The following NBPF3 variants were observed in gnomAD, a reference collection of about 807,000 sequenced individuals.
The protein encoded by NBPF3 is NBPF member 3.
NBPF3 carries 57 observed loss-of-function variants against 78.1 expected under a neutral mutation model. The observed-to-expected ratio is 0.73, with a 90% CI of 0.59 to 0.91. NBPF3 has a LOEUF of 0.91. Among genes scored for constraint, NBPF3 ranks in the 40% least tolerant of loss-of-function variants. The pLI is 0.00. For synonymous variants in NBPF3, 182 were observed against 271.7 expected, an observed-to-expected ratio of 0.67 and a Z score of 3.25; for missense variants, 510 against 715.3, an observed-to-expected ratio of 0.71 and a Z score of 3.27.
At position 21,473,481 on chromosome 1, in the gene NBPF3, C is replaced by T; in HGVS notation, c.836C>T (p.Pro279Leu). Residue 279 changes from proline (P) to leucine (L), a missense_variant, in exon 7 of 15, where the codon CCT (proline) becomes CTT (leucine). Pro to Leu is a moderately conservative substitution (Grantham distance 98). Coordinates refer to ENST00000318249, the MANE Select transcript of NBPF3 (RefSeq NM_032264.6). ...NSHHPCESNQ[P>L]YGNTRITFEE... ...CACCACCCTTGTGAGTCCAACCAGC[C>T]TTACGGGAACACCAGAATCACATTT... 4.3e-6 allele frequency: 7 copies of T among 1,614,208 alleles called. No homozygotes were observed. Among genetic ancestry groups the T allele is most frequent in the Non-Finnish European group, 5.9e-6 (7 of 1,180,034 alleles).
intron 2 of NBPF3, among the ~76,000 whole-genome samples, chr1:21,461,473 C>A (rs566306206): frequency 2.6e-5 from 4 of 152,012 alleles, no homozygotes; most frequent in African/African-American, 4.8e-5. Flanking sequence ...TAAATGATTC[C>A]TTTTTTTAAT....
At chr1:21,449,234 G>A (rs1408970954) in intron 2 of NBPF3, among the ~76,000 whole-genome samples, 1 of 152,046 alleles carries the variant, frequency 6.6e-6, no homozygotes, top group Non-Finnish European at 1.5e-5. Flanking sequence ...TGTTTGTTTT[G>A]TGACAAGCAG....
chr1:21,478,426 A>G, intron 9 of NBPF3, 119 bp downstream of exon 9: 1 of 1,135,254 alleles, frequency 8.8e-7, no homozygotes, highest in Non-Finnish European at 1.3e-6. Flanking sequence ...GGTGGAACCT[A>G]TATATCAATG....
chr1:21,474,183 T>C (rs548725073), intron 7 of NBPF3, among the ~76,000 whole-genome samples: 81 of 150,976 alleles, frequency 5.4e-4, no homozygotes, highest in Admixed American at 1.9e-3. Context: ...TCTCTCTCTC[T>C]TTTTCTTTTC....
chr1:21,473,697 T>C, intron 7 of NBPF3, 112 bp downstream of exon 7: 1 of 901,768 alleles, frequency 1.1e-6, no homozygotes, highest in Non-Finnish European at 1.8e-6. Flanking sequence ...TATGGTATTC[T>C]TAACAGAGAT....
At chr1:21,474,542 A>C (rs1287980449) in intron 7 of NBPF3, among the ~76,000 whole-genome samples, 1 of 138,650 alleles carries the variant, frequency 7.2e-6, no homozygotes, top group Non-Finnish European at 1.6e-5. Flanking sequence ...CCCTCTAAAC[A>C]TTTAATGTCC....
intron 2 of NBPF3, among the ~76,000 whole-genome samples, chr1:21,463,556 T>A (rs1447408656): frequency 1.3e-5 from 2 of 152,158 alleles, no homozygotes; most frequent in East Asian, 3.8e-4. Context: ...CTTTGTGACT[T>A]TGGATTAGAC....
At chr1:21,480,572 A>G (rs1162456483) in intron 11 of NBPF3, among the ~76,000 whole-genome samples, 1 of 152,398 alleles carries the variant, frequency 6.6e-6, no homozygotes, top group Non-Finnish European at 1.5e-5. Flanking sequence ...GCAACCACGA[A>G]TGAGCTGGGC....
intron 2 of NBPF3, among the ~76,000 whole-genome samples, chr1:21,451,494 A>T (rs1641308547): frequency 6.6e-6 from 1 of 152,208 alleles, no homozygotes; most frequent in South Asian, 2.1e-4. Context: ...GTCTATATAC[A>T]TGTAATTTTT....
Position 21,468,796 on chromosome 1 carries a change from G to GC in NBPF3, c.247dup (p.Gln83ProfsTer31). 2.5e-6 allele frequency: 4 copies of GC among 1,614,004 alleles called. No homozygotes were observed. Among genetic ancestry groups the GC allele is most frequent in the Non-Finnish European group, 3.4e-6 (4 of 1,179,960 alleles). On this transcript the variant is annotated frameshift_variant, in exon 3 of 15. Coordinates refer to ENST00000318249, the MANE Select transcript of NBPF3 (RefSeq NM_032264.6). LOFTEE classifies it high-confidence loss of function. Reference sequence around the variant, plus strand: ...ATTCTAGAAATCAACAAGAAATCGCGCCCCCAGCTGGCAGAGAACAAACAG... The same window carrying GC: ...ATTCTAGAAATCAACAAGAAATCGCGCCCCCCAGCTGGCAGAGAACAAACAG...
chr1:21,456,402 A>G (rs1641604246), intron 2 of NBPF3, among the ~76,000 whole-genome samples: 1 of 152,188 alleles, frequency 6.6e-6, no homozygotes, highest in Non-Finnish European at 1.5e-5. Flanking sequence ...ACTGTGCTCA[A>G]ACTCTTAAAA....
At chr1:21,447,514 G>C (rs1229036710) in intron 2 of NBPF3, among the ~76,000 whole-genome samples, 3 of 152,118 alleles carry the variant, frequency 2.0e-5, no homozygotes, top group East Asian at 3.9e-4. Context: ...CAGGATGTGG[G>C]TTTCCAGACT....
At chr1:21,439,835 T>A (rs557994606), upstream of NBPF3, among the ~76,000 whole-genome samples, 65 of 152,272 alleles carry the variant, frequency 4.3e-4, no homozygotes, top group African/African-American at 1.5e-3. Context: ...TTCTGCTTCT[T>A]TAACCTGGCA....
At chr1:21,461,049 A>G (rs932439286) in intron 2 of NBPF3, among the ~76,000 whole-genome samples, 11 of 152,204 alleles carry the variant, frequency 7.2e-5, no homozygotes, top group Non-Finnish European at 1.2e-4. Context: ...CCCACCTAGT[A>G]GAATGGCTAT....
upstream of NBPF3, among the ~76,000 whole-genome samples, chr1:21,439,517 G>A (rs1002819332): frequency 6.6e-6 from 1 of 151,842 alleles, no homozygotes; most frequent in African/African-American, 2.4e-5. Context: ...TAAAAAAAGC[G>A]AAAACGTACA....
intron 2 of NBPF3, among the ~76,000 whole-genome samples, chr1:21,445,630 C>T (rs568702669): frequency 6.6e-6 from 1 of 151,986 alleles, no homozygotes; most frequent in Non-Finnish European, 1.5e-5. Context: ...CCTGCATCCC[C>T]CAGGCTAAGG....
At chr1:21,459,769 T>C in intron 2 of NBPF3, 1 of 320,922 alleles carries the variant, frequency 3.1e-6, no homozygotes, top group South Asian at 3.3e-5. Flanking sequence ...GTCTTGGCAA[T>C]CATGGTGACA....
At chr1:21,469,166 C>T (rs1456516995) in intron 3 of NBPF3, among the ~76,000 whole-genome samples, 1 of 152,190 alleles carries the variant, frequency 6.6e-6, no homozygotes, top group African/African-American at 2.4e-5. Context: ...GACCTGTTTT[C>T]TCCAAGAGGC....
At chr1:21,450,257 T>C (rs1398975402) in intron 2 of NBPF3, among the ~76,000 whole-genome samples, 2 of 152,228 alleles carry the variant, frequency 1.3e-5, no homozygotes, top group African/African-American at 4.8e-5. Flanking sequence ...TTGTCTTTGC[T>C]GACTGTCAGC....
Sources: gnomAD v4.1 joint callset for allele counts (sites outside exome capture counted in the v4.1 genomes callset) on GRCh38, gnomAD v4.1.1 for gene constraint, MANE v1.5 for transcripts, NCBI Gene and HGNC (gene_info 2026-07-23, HGNC 2026-07-21) for gene names.